The following KMT2E variants were observed in gnomAD, a reference collection of about 807,000 sequenced individuals.
KMT2E encodes lysine methyltransferase 2E (inactive), also known as histone reader KMT2E.
KMT2E carries 30 observed loss-of-function variants against 184.6 expected under a neutral mutation model. That is an observed-to-expected ratio of 0.16 (90% CI 0.12 to 0.22). The LOEUF is 0.22. Ranked by LOEUF, KMT2E falls within the 10% of genes least tolerant of loss-of-function variation. The pLI is 1.00. For missense variants in KMT2E, 2,023 were observed against 2,237.4 expected, an observed-to-expected ratio of 0.90 and a Z score of 1.93; for synonymous variants, 815 against 776.5, an observed-to-expected ratio of 1.05 and a Z score of -0.82.
chr7:105,061,196 T>G (rs1191572375), intron 3 of KMT2E, among the ~76,000 whole-genome samples: 1 of 152,148 alleles, frequency 6.6e-6, no homozygotes, highest in Non-Finnish European at 1.5e-5. Context: ...AAAAATGTTT[T>G]TTATGCTGCT....
At chr7:105,024,285 T>C (rs1795081143) in intron 1 of KMT2E, among the ~76,000 whole-genome samples, 1 of 152,208 alleles carries the variant, frequency 6.6e-6, no homozygotes, top group African/African-American at 2.4e-5. Context: ...TGTGTGCCAA[T>C]ATGTCTTAAC....
intron 6 of KMT2E, among the ~76,000 whole-genome samples, chr7:105,068,099 A>G (rs960518311): frequency 8.6e-5 from 13 of 152,032 alleles, no homozygotes; most frequent in Admixed American, 4.6e-4. Flanking sequence ...CTCCCTCCCT[A>G]CCATCCCTGG....
intron 12 of KMT2E, among the ~76,000 whole-genome samples, chr7:105,080,830 G>A (rs1488595041): frequency 6.6e-6 from 1 of 152,014 alleles, no homozygotes; most frequent in Non-Finnish European, 1.5e-5. Context: ...GACCAACATG[G>A]TGAAACCCCA....
In KMT2E at chr7:105,112,294, C is replaced by T. The variant is rs774972807; in HGVS notation, c.4538C>T (p.Ala1513Val). 3.7e-6 allele frequency: 6 copies of T among 1,614,040 alleles called. No homozygotes were observed. The East Asian group carries it at 6.7e-5, about 18-fold the overall frequency. Residue 1513 changes from alanine to valine, a missense_variant, in exon 27 of 27, where the codon GCA becomes GTA. Physicochemically the swap from Ala to Val is moderately conservative, Grantham distance 64. This residue lies in a region of KMT2E where 1,108 missense variants were observed against 1,050.9 expected (regional missense o/e 1.05). Coordinates refer to ENST00000311117, the MANE Select transcript of KMT2E (RefSeq NM_182931.3). ...AACCTTCCAGCCAATACTCAGCAGG[C>T]AACTTCTGGAACATTATTTACACAG... Reference protein sequence around the residue: ...AQNLPANTQQATSGTLFTQTP... With the variant: ...AQNLPANTQQVTSGTLFTQTP...
Position 105,097,174 on chromosome 7 carries a change from A to G in KMT2E, c.1723-4251A>G, listed in dbSNP as rs141593966. ...TTAGAAAATCACTTTAGAATATGCA[A>G]TGCTTTAATAATAAAATAGGATAAG... On this transcript the variant is annotated intron_variant, in intron 15 of 26. Transcript: ENST00000311117. Among the ~76,000 whole-genome samples, 646 of 152,338 alleles carry G rather than the reference A, an allele frequency of 4.2e-3. 2 individuals are homozygous for G. The highest frequency in any genetic ancestry group is 0.015 in the African/African-American group (608 of 41,576).
intron 3 of KMT2E, among the ~76,000 whole-genome samples, chr7:105,052,374 C>T (rs1464549861): frequency 6.6e-6 from 1 of 152,020 alleles, no homozygotes; most frequent in Non-Finnish European, 1.5e-5. Flanking sequence ...ATCTGAAATA[C>T]TTGTTTTATT....
intron 3 of KMT2E, among the ~76,000 whole-genome samples, chr7:105,051,610 A>G (rs1380611960): frequency 2.0e-5 from 3 of 150,790 alleles, no homozygotes; most frequent in African/African-American, 7.3e-5. Flanking sequence ...TCCTCCTTCA[A>G]AGTATATTTT....
chr7:105,043,992 G>A (rs938394835), intron 3 of KMT2E, among the ~76,000 whole-genome samples: 3 of 152,148 alleles, frequency 2.0e-5, no homozygotes, highest in African/African-American at 4.8e-5. Flanking sequence ...CAGCTACTTG[G>A]GAGGCTGAGG....
chr7:105,037,714 T>G (rs538732645), intron 1 of KMT2E, among the ~76,000 whole-genome samples: 3 of 152,214 alleles, frequency 2.0e-5, no homozygotes, highest in Non-Finnish European at 4.4e-5. Flanking sequence ...TCTTCCAGTT[T>G]TTCTGATAAA....
At position 105,077,730 on chromosome 7, in the gene KMT2E, A is replaced by T. The variant is rs1797590717; in HGVS notation, c.1130+297A>T. Reference sequence around the variant, plus strand: ...AGCAATATAGGTTGGATATAGAAGGATATCAGTCAGGAATTCTGATTGATT... The same window carrying T: ...AGCAATATAGGTTGGATATAGAAGGTTATCAGTCAGGAATTCTGATTGATT... On this transcript the variant is annotated intron_variant, in intron 11 of 26. Transcript: ENST00000311117. 1.2e-5 allele frequency: 3 copies of T among 252,754 alleles called. No individual in the cohort carries two copies. The South Asian group carries it at 1.8e-4, about 15-fold the overall frequency. The allele number at this position is 252,754 out of a possible 1,614,324, so 15.7% of individuals were successfully genotyped here.
intron 7 of KMT2E, among the ~76,000 whole-genome samples, chr7:105,074,143 T>C (rs1210514737): frequency 1.3e-5 from 2 of 151,704 alleles, no homozygotes; most frequent in African/African-American, 4.9e-5. Flanking sequence ...TCATAATTTA[T>C]TCAACTATTC....
At chr7:105,030,934 T>G (rs769803192) in intron 1 of KMT2E, among the ~76,000 whole-genome samples, 47 of 152,262 alleles carry the variant, frequency 3.1e-4, no homozygotes, top group Admixed American at 1.8e-3. Context: ...GCACGTTGTT[T>G]TTAGAGAGGG....
At chr7:105,048,961 A>G (rs997015282) in intron 3 of KMT2E, among the ~76,000 whole-genome samples, 7 of 152,208 alleles carry the variant, frequency 4.6e-5, no homozygotes, top group Admixed American at 3.9e-4. Flanking sequence ...TTTCAATGGT[A>G]TGACTTTCTT....
intron 3 of KMT2E, among the ~76,000 whole-genome samples, chr7:105,053,472 C>T (rs764335720): frequency 4.6e-5 from 7 of 151,912 alleles, no homozygotes; most frequent in Middle Eastern, 3.2e-3. Flanking sequence ...TAAGAATTTA[C>T]GGACTTAAAA....
intron 3 of KMT2E, among the ~76,000 whole-genome samples, chr7:105,041,849 A>C (rs1449506775): frequency 2.6e-5 from 4 of 152,184 alleles, no homozygotes; most frequent in Non-Finnish European, 5.9e-5. Context: ...TTAATCGACT[A>C]TGAAGAAACT....
chr7:105,110,664 C>G, intron 25 of KMT2E, 62 bp downstream of exon 25: 1 of 1,607,064 alleles, frequency 6.2e-7, no homozygotes, highest in East Asian at 2.2e-5. Context: ...ACAAGAGAGC[C>G]TTTATAAAAA....
At chr7:105,031,615 G>A (rs1795421994) in intron 1 of KMT2E, among the ~76,000 whole-genome samples, 1 of 151,652 alleles carries the variant, frequency 6.6e-6, no homozygotes, top group African/African-American at 2.4e-5. Context: ...AGCTGGGCAT[G>A]GTGGCGGGCA....
At chr7:105,041,601 A>G (rs990382540) in intron 3 of KMT2E, among the ~76,000 whole-genome samples, 5 of 152,054 alleles carry the variant, frequency 3.3e-5, no homozygotes, top group Non-Finnish European at 7.4e-5. Flanking sequence ...GGGTTTCATC[A>G]TTTTGGCTAG....
At chr7:105,029,438 G>A (rs1795312384) in intron 1 of KMT2E, among the ~76,000 whole-genome samples, 1 of 152,138 alleles carries the variant, frequency 6.6e-6, no homozygotes, top group Non-Finnish European at 1.5e-5. Context: ...GTTGTACTCT[G>A]AGGGAGGAGG....
Sources: allele counts gnomAD v4.1 joint callset (sites outside exome capture counted in the v4.1 genomes callset), GRCh38; gene constraint gnomAD v4.1.1; regional missense constraint gnomAD v4.1.1; transcripts MANE v1.5; gene names NCBI Gene and HGNC (gene_info 2026-07-23, HGNC 2026-07-21).